Variants in SLC22A16 observed in about 807,000 individuals in gnomAD.
SLC22A16 encodes the protein solute carrier family 22 member 16.
In SLC22A16, 53 loss-of-function variants were observed where a neutral mutation model predicts 52.9. That is an observed-to-expected ratio of 1.00 (90% CI 0.80 to 1.26). The LOEUF (loss-of-function observed/expected upper bound fraction) is 1.26. SLC22A16 is among the 50% of genes most tolerant of loss of function. The pLI is 0.00. For missense variants in SLC22A16, 726 were observed against 704.0 expected, an observed-to-expected ratio of 1.03 and a Z score of -0.35; for synonymous variants, 291 against 268.8, an observed-to-expected ratio of 1.08 and a Z score of -0.81.
At chr6:110,429,774 A>G (rs1774421076) in intron 7 of SLC22A16, among the ~76,000 whole-genome samples, 1 of 152,192 alleles carries the variant, frequency 6.6e-6, no homozygotes, top group South Asian at 2.1e-4. Flanking sequence ...GCTTGAGAAA[A>G]GGAGAGGCGG....
chr6:110,431,240 C>A lies in SLC22A16; in HGVS notation c.1452G>T (p.Val484=), dbSNP rs554263356. The A allele has an allele frequency of 7.4e-6, 12 of 1,613,182 alleles. No individual in the cohort carries two copies. The Admixed American group carries it at 1.2e-4, about 16-fold the overall frequency. The change falls in exon 7 of 8, where the codon GTG becomes GTT. Residue 484 remains valine (V), a synonymous_variant. Coordinates refer to ENST00000368919, the MANE Select transcript of SLC22A16 (RefSeq NM_033125.4). ...GCGCCAGGATGCTGGCCAGGCGACA[C>A]ACCATGCTGCCGCTTCCCACAGCCA... The part of the protein sequence containing the change: ...RSLAVGSGSM[V]CRLASILAPF...
intron 1 of SLC22A16, chr6:110,475,006 A>C (rs1258399730): frequency 1.9e-6 from 1 of 518,882 alleles, no homozygotes; most frequent in Non-Finnish European, 3.8e-6. Context: ...TCCTATTTGA[A>C]AACATTTGTA....
chr6:110,467,017 G>A (rs1217015070), intron 1 of SLC22A16, among the ~76,000 whole-genome samples: 2 of 152,202 alleles, frequency 1.3e-5, no homozygotes, highest in South Asian at 4.1e-4. Context: ...CTAGCCTCTG[G>A]AAAACTCTAC....
chr6:110,427,796 A>G (rs13213449), intron 7 of SLC22A16, among the ~76,000 whole-genome samples: 11,946 of 152,284 alleles, frequency 0.078, 490 homozygotes, highest in Middle Eastern at 0.14. Context: ...TATATTGAAA[A>G]ACAAGATGTT....
At chr6:110,460,312 T>G (rs1260445118) in intron 1 of SLC22A16, among the ~76,000 whole-genome samples, 1 of 152,180 alleles carries the variant, frequency 6.6e-6, no homozygotes, top group African/African-American at 2.4e-5. Context: ...TGGATCATAT[T>G]TATCACCTTT....
At position 110,442,578 on chromosome 6, in the gene SLC22A16, C is replaced by T. The variant is rs752868387; in HGVS notation, c.849G>A (p.Leu283=). The T allele has an allele frequency of 1.2e-6, 2 of 1,614,170 alleles. No homozygotes were observed. Among genetic ancestry groups the T allele is most frequent in the Non-Finnish European group, 1.7e-6 (2 of 1,180,032 alleles). The change falls in exon 4 of 8, where the codon CTG becomes CTA. Residue 283 remains leucine (L), a synonymous_variant. Transcript: ENST00000368919. ...ILSTVTVPFI[L]CCWVLPETPF... ...GTGTCTCTGGGAGCACCCAACAGCA[C>T]AGGATAAAGGGGACAGTCACTGTGG...
intron 5 of SLC22A16, among the ~76,000 whole-genome samples, chr6:110,437,168 C>A (rs1774768432): frequency 6.6e-6 from 1 of 152,286 alleles, no homozygotes; most frequent in Admixed American, 6.5e-5. Context: ...AATTAATTAA[C>A]AATTGTTAAT....
chr6:110,457,120 G>A (rs717567), intron 1 of SLC22A16, 103 bp from the exon 2 acceptor site: 1,064,712 of 1,065,186 alleles, frequency 1, 532,121 homozygotes, highest in East Asian at 1. Context: ...ACATATACAC[G>A]AATGGATAAA....
intron 7 of SLC22A16, among the ~76,000 whole-genome samples, chr6:110,425,684 G>A (rs2114866648): frequency 6.6e-6 from 1 of 152,370 alleles, no homozygotes; most frequent in African/African-American, 2.4e-5. Flanking sequence ...ACAGTTCGGT[G>A]TGATTTCTTT....
chr6:110,457,418 G>A (rs972054709), intron 1 of SLC22A16, among the ~76,000 whole-genome samples: 2 of 152,150 alleles, frequency 1.3e-5, no homozygotes, highest in African/African-American at 4.8e-5. Context: ...ATATGAAAGG[G>A]GCCCAAGTAG....
At position 110,438,683 on chromosome 6, in the gene SLC22A16, A is replaced by G. The variant is rs1343992127; in HGVS notation, c.1311+37T>C. 5 of 1,595,014 alleles carry G rather than the reference A, an allele frequency of 3.1e-6. No individual in the cohort carries two copies. The African/African-American group carries it at 4.0e-5, about 13-fold the overall frequency. On this transcript the variant is annotated intron_variant, in intron 5 of 7. Coordinates refer to ENST00000368919, the MANE Select transcript of SLC22A16 (RefSeq NM_033125.4). ...TAAATTCTTCCCATCAAACTGTCAC[A>G]GTATAACTGTCTTATAAAAAACAGA...
intron 6 of SLC22A16, among the ~76,000 whole-genome samples, chr6:110,433,820 C>T (rs1287385431): frequency 6.6e-6 from 1 of 152,086 alleles, no homozygotes; most frequent in African/African-American, 2.4e-5. Flanking sequence ...GGGAGGACTG[C>T]AGATAGGAAA....
At chr6:110,450,768 T>A (rs1452548300) in intron 2 of SLC22A16, among the ~76,000 whole-genome samples, 1 of 152,122 alleles carries the variant, frequency 6.6e-6, no homozygotes, top group Non-Finnish European at 1.5e-5. Flanking sequence ...TAACCATGCA[T>A]AAAATATGTA....
intron 1 of SLC22A16, chr6:110,474,866 A>G (rs1776403980): frequency 3.9e-6 from 2 of 511,344 alleles, no homozygotes; most frequent in African/African-American, 1.9e-5. Flanking sequence ...TCAAACACCA[A>G]CTAATATAAT....
intron 3 of SLC22A16, among the ~76,000 whole-genome samples, chr6:110,444,235 C>A (rs979167184): frequency 6.6e-6 from 1 of 151,988 alleles, no homozygotes; most frequent in Non-Finnish European, 1.5e-5. Flanking sequence ...TAATATGTGA[C>A]CATTCTTGAA....
At chr6:110,428,539 C>T (rs1259101695) in intron 7 of SLC22A16, among the ~76,000 whole-genome samples, 4 of 152,196 alleles carry the variant, frequency 2.6e-5, no homozygotes, top group African/African-American at 9.7e-5. Context: ...ACTTTCTGTC[C>T]ATCAGTCTCC....
Position 110,456,730 on chromosome 6 carries a change from T to C in SLC22A16, c.341A>G (p.Tyr114Cys). The change falls in exon 2 of 8, where the codon TAT becomes TGT. Residue 114 changes from tyrosine to cysteine, a missense_variant. By Grantham distance (194) the Tyr-to-Cys change is radical (BLOSUM62 -2). Coordinates refer to ENST00000368919, the MANE Select transcript of SLC22A16 (RefSeq NM_033125.4). ...NKRENTSSLG[Y>C]EYTGSKKEFP... is the part of the protein sequence containing the mutation. ...CTCTTTCTTACTGCCAGTGTATTCA[T>C]AGCCCAAACTCGATGTGTTCTCCCT... 6.2e-7 allele frequency: 1 copy of C among 1,614,190 alleles called. No homozygotes were observed. The highest frequency in any genetic ancestry group is 8.5e-7 in the Non-Finnish European group (1 of 1,180,016).
At chr6:110,439,138 A>G (rs967153832) in intron 4 of SLC22A16, among the ~76,000 whole-genome samples, 1 of 152,264 alleles carries the variant, frequency 6.6e-6, no homozygotes, top group African/African-American at 2.4e-5. Flanking sequence ...GTCTCAGGAG[A>G]TAAAAACTTG....
intron 1 of SLC22A16, among the ~76,000 whole-genome samples, chr6:110,464,475 A>G (rs1240179471): frequency 6.6e-6 from 1 of 152,094 alleles, no homozygotes; most frequent in East Asian, 1.9e-4. Context: ...ATTACAACTG[A>G]TAACACAGAA....
Sources: allele counts gnomAD v4.1 joint callset (sites outside exome capture counted in the v4.1 genomes callset), GRCh38; gene constraint gnomAD v4.1.1; transcripts MANE v1.5; gene names NCBI Gene and HGNC (gene_info 2026-07-23, HGNC 2026-07-21).